Variants in RCAN2 observed in about 807,000 individuals in gnomAD.
RCAN2 encodes the protein calcipressin-2.
RCAN2 carries 9 observed loss-of-function variants against 23.6 expected under a neutral mutation model. The observed-to-expected ratio is 0.38, with a 90% CI of 0.23 to 0.67. The LOEUF (loss-of-function observed/expected upper bound fraction) is 0.67, where lower values mean the gene tolerates loss of function less well. Among genes scored for constraint, RCAN2 ranks in the 30% least tolerant of loss-of-function variants. The pLI is 0.51. For synonymous variants in RCAN2, 109 were observed against 115.7 expected, an observed-to-expected ratio of 0.94 and a Z score of 0.37; for missense variants, 273 against 302.3, an observed-to-expected ratio of 0.90 and a Z score of 0.72.
chr6:46,399,611 G>A (rs1270770290), intron 2 of RCAN2, among the ~76,000 whole-genome samples: 1 of 151,886 alleles, frequency 6.6e-6, no homozygotes, highest in Non-Finnish European at 1.5e-5. Flanking sequence ...CCCTTTGGGT[G>A]CATCTGTTTT....
chr6:46,331,569 A>T (rs1207246707), intron 2 of RCAN2, among the ~76,000 whole-genome samples: 1 of 152,182 alleles, frequency 6.6e-6, no homozygotes, highest in South Asian at 2.1e-4. Context: ...TTATGGTATG[A>T]CAAGATGTTC....
intron 2 of RCAN2, among the ~76,000 whole-genome samples, chr6:46,349,852 G>A (rs1019243263): frequency 6.6e-6 from 1 of 152,086 alleles, no homozygotes; most frequent in Non-Finnish European, 1.5e-5. Flanking sequence ...CAGAAGCCAG[G>A]ATGATCCACC....
chr6:46,225,117 C>A (rs1180588480), intron 4 of RCAN2, among the ~76,000 whole-genome samples: 1 of 152,118 alleles, frequency 6.6e-6, no homozygotes, highest in Non-Finnish European at 1.5e-5. Flanking sequence ...TGAACTCATC[C>A]TTTTTTATGG....
chr6:46,484,005 C>T (rs66550928), intron 1 of RCAN2, among the ~76,000 whole-genome samples: 20,339 of 152,170 alleles, frequency 0.13, 1,989 homozygotes, highest in African/African-American at 0.24. Flanking sequence ...TAATTTCTTT[C>T]TTGATAAATT....
chr6:46,484,177 G>C (rs533693462), intron 1 of RCAN2, among the ~76,000 whole-genome samples: 119 of 152,252 alleles, frequency 7.8e-4, no homozygotes, highest in African/African-American at 2.6e-3. Flanking sequence ...CAAATTGGCT[G>C]TTTACCTCAA....
At chr6:46,408,846 A>G (rs761159874) in intron 2 of RCAN2, among the ~76,000 whole-genome samples, 1 of 152,216 alleles carries the variant, frequency 6.6e-6, no homozygotes, top group Non-Finnish European at 1.5e-5. Flanking sequence ...TCATCCTTCC[A>G]TGGATGCCTG....
intron 2 of RCAN2, among the ~76,000 whole-genome samples, chr6:46,343,485 C>T (rs965489255): frequency 6.6e-6 from 1 of 150,816 alleles, no homozygotes; most frequent in African/African-American, 2.4e-5. Flanking sequence ...ATGCCATTCT[C>T]CTGCCTCAGC....
chr6:46,241,027 G>T (rs1248254918), intron 4 of RCAN2, among the ~76,000 whole-genome samples: 1 of 152,084 alleles, frequency 6.6e-6, no homozygotes, highest in Non-Finnish European at 1.5e-5. Flanking sequence ...TTTTCATATC[G>T]CTCCCTGCAG....
chr6:46,339,640 G>C (rs1264459633), intron 2 of RCAN2, among the ~76,000 whole-genome samples: 2 of 152,146 alleles, frequency 1.3e-5, no homozygotes, highest in Non-Finnish European at 2.9e-5. Flanking sequence ...TAATAGAAGA[G>C]AGAACCAGTA....
At chr6:46,308,613 T>A (rs1164424260) in intron 2 of RCAN2, among the ~76,000 whole-genome samples, 1 of 152,136 alleles carries the variant, frequency 6.6e-6, no homozygotes, top group African/African-American at 2.4e-5. Context: ...ACCTCTGGGA[T>A]GTGAGGAGGG....
At chr6:46,361,926 T>TATCATCATG (rs1765026455) in intron 2 of RCAN2, among the ~76,000 whole-genome samples, 1 of 152,234 alleles carries the variant, frequency 6.6e-6, no homozygotes. Flanking sequence ...TTCAAACATC[T>TATCATCATG]ATCATCATGG....
At chr6:46,258,857 A>G (rs544319757) in intron 2 of RCAN2, among the ~76,000 whole-genome samples, 1 of 152,198 alleles carries the variant, frequency 6.6e-6, no homozygotes, top group Non-Finnish European at 1.5e-5. Context: ...CAAACAAACA[A>G]AATAACCCAA....
intron 2 of RCAN2, among the ~76,000 whole-genome samples, chr6:46,397,811 C>A (rs1439880208): frequency 6.6e-6 from 1 of 152,182 alleles, no homozygotes; most frequent in Non-Finnish European, 1.5e-5. Flanking sequence ...ATCACCACCA[C>A]ATGTTTATTC....
At chr6:46,373,252 A>C (rs769817217) in intron 2 of RCAN2, among the ~76,000 whole-genome samples, 2 of 152,042 alleles carry the variant, frequency 1.3e-5, no homozygotes, top group African/African-American at 2.4e-5. Flanking sequence ...TTATTAGGTT[A>C]GTATTTTGGT....
chr6:46,370,260 T>C (rs570153175), intron 2 of RCAN2, among the ~76,000 whole-genome samples: 7 of 152,300 alleles, frequency 4.6e-5, no homozygotes, highest in African/African-American at 1.4e-4. Context: ...CTGCCAGGCC[T>C]CCTTAACACC....
intron 2 of RCAN2, among the ~76,000 whole-genome samples, chr6:46,323,549 C>T (rs1763687244): frequency 6.6e-6 from 1 of 152,166 alleles, no homozygotes; most frequent in Non-Finnish European, 1.5e-5. Flanking sequence ...ACCTCCTTTC[C>T]CGTTTGCCTC....
chr6:46,428,006 T>G (rs2150415431), intron 2 of RCAN2, among the ~76,000 whole-genome samples: 1 of 152,270 alleles, frequency 6.6e-6, no homozygotes, highest in East Asian at 1.9e-4. Context: ...CTGTGAGGGC[T>G]AAGCTAGGAC....
intron 2 of RCAN2, among the ~76,000 whole-genome samples, chr6:46,393,236 A>G (rs1765984364): frequency 6.6e-6 from 1 of 152,160 alleles, no homozygotes; most frequent in African/African-American, 2.4e-5. Context: ...TTTTGTGTGT[A>G]GTTTTGGGGT....
intron 2 of RCAN2, among the ~76,000 whole-genome samples, chr6:46,448,203 C>G (rs1299656113): frequency 6.6e-6 from 1 of 151,646 alleles, no homozygotes; most frequent in Non-Finnish European, 1.5e-5. Context: ...TTACTATGAA[C>G]AATTATATGC....
Sources: allele counts gnomAD v4.1 joint callset (sites outside exome capture counted in the v4.1 genomes callset), GRCh38; gene constraint gnomAD v4.1.1; transcripts MANE v1.5; gene names NCBI Gene and HGNC (gene_info 2026-07-23, HGNC 2026-07-21).